The following CMC1 variants were observed in gnomAD, a reference collection of about 807,000 sequenced individuals.
The protein encoded by CMC1 is COX assembly mitochondrial protein homolog.
CMC1 carries 14 observed loss-of-function variants against 14.1 expected under a neutral mutation model. The observed-to-expected ratio is 0.99, with a 90% confidence interval of 0.66 to 1.55. The LOEUF is 1.55. CMC1 is among the 40% of genes most tolerant of loss of function. The pLI is 0.00. For synonymous variants in CMC1, 50 were observed against 38.4 expected (o/e 1.30, Z -1.12); for missense variants, 127 against 123.8 (o/e 1.03, Z -0.12).
rs1703252653 is a variant in CMC1 at position 28,323,363 on chromosome 3, TTTTTTTTTC to T, written c.*3735_*3743del. 1 of 150,440 alleles carries T rather than the reference TTTTTTTTTC, an allele frequency of 6.6e-6. No individual in the cohort carries two copies. Among genetic ancestry groups the T allele is most frequent in the African/African-American group, 2.4e-5 (1 of 40,886 alleles). 9.3% of individuals were successfully genotyped at this position (150,440 alleles called of 1,614,324 possible). A position where few individuals can be genotyped will look rare whatever the true frequency, so the allele number is the denominator to read the frequency against. The stretch of plus-strand genomic sequence containing the variant: ...GTTTTTCAACTATTTCATTTTTTTT[TTTTTTTTTC>T]CCAATTAGGACTTAAGGAATGTGCT... On this transcript the variant is annotated 3_prime_UTR_variant, in exon 4 of 4. Transcript: ENST00000466830.
chr3:28,309,702 C>T (rs1284938473), intron 2 of CMC1, among the ~76,000 whole-genome samples: 1 of 152,034 alleles, frequency 6.6e-6, no homozygotes, highest in Non-Finnish European at 1.5e-5. Flanking sequence ...ATGATCTTGT[C>T]ATTCCACTGT....
chr3:28,279,252 T>C (rs1194238844), intron 2 of CMC1, among the ~76,000 whole-genome samples: 3 of 152,178 alleles, frequency 2.0e-5, no homozygotes, highest in Non-Finnish European at 4.4e-5. Flanking sequence ...GTCTTGTTGG[T>C]CTGAAGAACC....
In CMC1 at chr3:28,324,079, A is replaced by C. The variant is rs374530663; in HGVS notation, c.*4450A>C. 2.5e-6 allele frequency: 4 copies of C among 1,609,550 alleles called. No homozygotes were observed. In the African/African-American group the frequency reaches 5.4e-5, roughly 22 times the overall value. ...AAGGCAGTTCTGATTATGTTGATCC[A>C]AGTAATGCAGTGGTGGAAGGTTGGG... On this transcript the variant is annotated 3_prime_UTR_variant, in exon 4 of 4. Transcript: ENST00000466830.
In CMC1 at chr3:28,263,359, A is replaced by T; in HGVS notation, c.88A>T (p.Arg30Trp). The change falls in exon 2 of 4, where the codon AGG (arginine) becomes TGG (tryptophan). Residue 30 changes from arginine to tryptophan, a missense_variant. Transcript: ENST00000466830. ...PKIMREKAKERCSEQVQDFTK... is the reference protein window; with the variant it reads ...PKIMREKAKEWCSEQVQDFTK... ...AATAATGAGAGAAAAGGCCAAAGAG[A>T]GGTGTTCTGAACAAGTTCAAGGTAA... The T allele has an allele frequency of 6.2e-7, 1 of 1,606,660 alleles. No homozygotes were observed.
intron 2 of CMC1, among the ~76,000 whole-genome samples, chr3:28,296,950 C>T (rs542355574): frequency 5.9e-5 from 9 of 152,174 alleles, no homozygotes; most frequent in African/African-American, 2.2e-4. Flanking sequence ...CTGTGGTGAG[C>T]CCTTCCACCT....
rs150682157 is a variant in CMC1, at chr3:28,320,119, G to A, written c.*490G>A. On this transcript the variant is annotated 3_prime_UTR_variant, in exon 4 of 4. Coordinates refer to ENST00000466830, the MANE Select transcript of CMC1 (RefSeq NM_182523.2). Reference sequence around the variant, plus strand: ...CTAATACAGTTTGTGAGGATGTACTGAGTATTGCATATAGCAGGTACACGT... The same window carrying A: ...CTAATACAGTTTGTGAGGATGTACTAAGTATTGCATATAGCAGGTACACGT... 1 of 153,918 alleles carries A rather than the reference G, an allele frequency of 6.5e-6. No individual in the cohort carries two copies. Among genetic ancestry groups the A allele is most frequent in the African/African-American group, 2.4e-5 (1 of 41,480 alleles). 9.5% of individuals were successfully genotyped at this position (153,918 alleles called of 1,614,324 possible). A position where few individuals can be genotyped will look rare whatever the true frequency, so the allele number is the denominator to read the frequency against.
rs1702931246 is a variant in CMC1, at chr3:28,316,489, A to G, written c.200+66A>G. On this transcript the variant is annotated intron_variant, in intron 3 of 3. Coordinates refer to ENST00000466830, the MANE Select transcript of CMC1 (RefSeq NM_182523.2). ...GTGGTAGATAAGAGTATGTTACTTA[A>G]CTCATTACATGTAATATATTCTGTA... The G allele has an allele frequency of 6.0e-6, 5 of 830,820 alleles. No homozygotes were observed. In the Admixed American group the frequency reaches 1.4e-4, roughly 23 times the overall value. The allele number at this position is 830,820 out of a possible 1,614,324, so 51.5% of individuals were successfully genotyped here. A position where few individuals can be genotyped will look rare whatever the true frequency, so the allele number is the denominator to read the frequency against.
chr3:28,256,710 A>G (rs1699430115), intron 1 of CMC1, among the ~76,000 whole-genome samples: 1 of 152,216 alleles, frequency 6.6e-6, no homozygotes, highest in African/African-American at 2.4e-5. Flanking sequence ...GAGGAGAGTC[A>G]TAGGCAAACA....
In CMC1 at chr3:28,302,654, A is replaced by G. The variant is rs1001027648; in HGVS notation, c.110-13679A>G. ...ATCCTTATTTTAAATATTTAAATAT[A>G]TTTTATAGGAATACTGGAAAACAGT... On this transcript the variant is annotated intron_variant, in intron 2 of 3. Coordinates refer to ENST00000466830, the MANE Select transcript of CMC1 (RefSeq NM_182523.2). Among the ~76,000 whole-genome samples, 2 of 152,144 alleles carry G rather than the reference A, an allele frequency of 1.3e-5. 1 individual carries two copies. Among genetic ancestry groups the G allele is most frequent in the South Asian group, 4.1e-4 (2 of 4,832 alleles).
intron 2 of CMC1, among the ~76,000 whole-genome samples, chr3:28,309,989 A>T (rs978400816): frequency 6.8e-6 from 1 of 146,558 alleles, no homozygotes; most frequent in Non-Finnish European, 1.5e-5. Flanking sequence ...ACACACACAC[A>T]CGCTAATAGC....
At chr3:28,244,318 G>A (rs1698693410) in intron 1 of CMC1, among the ~76,000 whole-genome samples, 1 of 152,154 alleles carries the variant, frequency 6.6e-6, no homozygotes, top group South Asian at 2.1e-4. Flanking sequence ...AGTAGTCCAG[G>A]CCAAATATGT....
At chr3:28,283,217 T>G (rs1167176182) in intron 2 of CMC1, among the ~76,000 whole-genome samples, 2 of 152,060 alleles carry the variant, frequency 1.3e-5, no homozygotes, top group African/African-American at 4.8e-5. Context: ...AGCACATGAT[T>G]AGAAACCAGT....
intron 1 of CMC1, among the ~76,000 whole-genome samples, chr3:28,251,965 C>T (rs376378786): frequency 6.6e-6 from 1 of 152,142 alleles, no homozygotes; most frequent in Admixed American, 6.5e-5. Context: ...TGCTTGTAGG[C>T]GCAAAGACAG....
At chr3:28,261,656 C>T (rs1338928560) in intron 1 of CMC1, among the ~76,000 whole-genome samples, 1 of 152,030 alleles carries the variant, frequency 6.6e-6, no homozygotes, top group Non-Finnish European at 1.5e-5. Flanking sequence ...CCCCTCTGAC[C>T]CATAGTTTAT....
chr3:28,312,726 T>C (rs1006431019), intron 2 of CMC1, among the ~76,000 whole-genome samples: 5 of 152,236 alleles, frequency 3.3e-5, no homozygotes, highest in African/African-American at 1.2e-4. Context: ...CTTAATTATA[T>C]AGACTACTTG....
rs1393816285 is a variant in CMC1 at position 28,321,912 on chromosome 3, TATAAA to T, written c.*2285_*2289del. The T allele has an allele frequency of 2.6e-5, 4 of 151,346 alleles. No homozygotes were observed. The highest frequency in any genetic ancestry group is 5.9e-5 in the Non-Finnish European group (4 of 67,502). The allele number at this position is 151,346 out of a possible 1,614,324, so 9.4% of individuals were successfully genotyped here. On this transcript the variant is annotated 3_prime_UTR_variant, in exon 4 of 4. Transcript: ENST00000466830. ...TTTATGGATGTACTGAATTGAACCTTATAAAAAGAAATCTAAAGATTCCAAAGGAA... is the reference window on the plus strand; with the variant it reads ...TTTATGGATGTACTGAATTGAACCTTAAGAAATCTAAAGATTCCAAAGGAA...
chr3:28,314,228 A>C (rs915452707), intron 2 of CMC1, among the ~76,000 whole-genome samples: 1 of 152,216 alleles, frequency 6.6e-6, no homozygotes, highest in African/African-American at 2.4e-5. Flanking sequence ...AAATAGAAAA[A>C]TTAACGTATA....
chr3:28,272,135 G>A (rs1700323771), intron 2 of CMC1, among the ~76,000 whole-genome samples: 1 of 152,070 alleles, frequency 6.6e-6, no homozygotes, highest in Non-Finnish European at 1.5e-5. Flanking sequence ...TGAGACAGTG[G>A]GGTTTTCTAG....
At chr3:28,272,842 G>A (rs568108798) in intron 2 of CMC1, among the ~76,000 whole-genome samples, 29 of 152,128 alleles carry the variant, frequency 1.9e-4, no homozygotes, top group South Asian at 6.2e-4. Flanking sequence ...CCACCACCAC[G>A]CCTGGCAAAT....
Sources: allele counts gnomAD v4.1 joint callset (sites outside exome capture counted in the v4.1 genomes callset), GRCh38; gene constraint gnomAD v4.1.1; transcripts MANE v1.5; gene names NCBI Gene and HGNC (gene_info 2026-07-23, HGNC 2026-07-21).